ABL1: variants seen among roughly 807,000 people sequenced by gnomAD.
The protein encoded by ABL1 is ABL proto-oncogene 1, non-receptor tyrosine kinase.
In ABL1, 11 loss-of-function variants were observed where a neutral mutation model predicts 94.7. The observed-to-expected ratio is 0.12, with a 90% CI of 0.07 to 0.19. The LOEUF is 0.19. Ranked by LOEUF, ABL1 falls within the 10% of genes least tolerant of loss-of-function variation. The pLI is 1.00. For missense variants in ABL1, 1,082 were observed against 1,489.4 expected (o/e 0.73, Z 4.50); for synonymous variants, 656 against 622.4 (o/e 1.05, Z -0.80).
rs1485338353 is a variant in ABL1 at position 130,884,717 on chromosome 9, C to A, written c.2427C>A (p.Ser809Arg). 6.2e-7 allele frequency: 1 copy of A among 1,612,562 alleles called. No individual in the cohort carries two copies. ...TCATGGAGTCCAGCCCGGGCTCCAGCCCGCCCAACCTGACTCCAAAACCCC... is the reference window on the plus strand; with the variant it reads ...TCATGGAGTCCAGCCCGGGCTCCAGACCGCCCAACCTGACTCCAAAACCCC... ...KDIMESSPGSSPPNLTPKPLR... is the reference protein window; with the variant it reads ...KDIMESSPGSRPPNLTPKPLR... The change falls in exon 11 of 11, where the codon AGC becomes AGA. Residue 809 changes from serine (S) to arginine (R), a missense_variant. This residue lies in a region of ABL1 where 780 missense variants were observed against 835.8 expected (regional missense o/e 0.93). Coordinates refer to ENST00000318560, the MANE Select transcript of ABL1 (RefSeq NM_005157.6). The surrounding 1 kb of genome is among the most constrained non-coding windows in gnomAD (Gnocchi z 5.6).
chr9:130,781,901 G>A (rs554075830), intron 1 of ABL1, among the ~76,000 whole-genome samples: 1 of 152,036 alleles, frequency 6.6e-6, no homozygotes, highest in South Asian at 2.1e-4. Flanking sequence ...CCCATATGAG[G>A]AATACATATT....
intron 1 of ABL1, among the ~76,000 whole-genome samples, chr9:130,762,809 G>A (rs1167861907): frequency 6.6e-6 from 1 of 151,762 alleles, no homozygotes; most frequent in East Asian, 1.9e-4. Flanking sequence ...TACTCGGGAG[G>A]CTGAGGCAGG....
chr9:130,760,943 C>CTTTTT (rs35842480), intron 1 of ABL1, among the ~76,000 whole-genome samples: 12 of 85,242 alleles, frequency 1.4e-4, no homozygotes, highest in Non-Finnish European at 1.8e-4. Flanking sequence ...CCCGCCCCTG[C>CTTTTT]TTTTTTTTTT....
chr9:130,800,994 G>A (rs1588243744), intron 1 of ABL1, among the ~76,000 whole-genome samples: 1 of 147,914 alleles, frequency 6.8e-6, no homozygotes, highest in Non-Finnish European at 1.5e-5. Context: ...GCAGAGGCAC[G>A]ATCTCGGCTC....
Position 130,862,748 on chromosome 9 carries a change from C to T in ABL1, c.550-15C>T. On this transcript the variant is annotated splice_polypyrimidine_tract_variant and intron_variant, in intron 3 of 10. Transcript: ENST00000318560. The surrounding 1 kb of genome is among the most constrained non-coding windows in gnomAD (Gnocchi z 5.5). ...CTGTCTCTGTGGGCTGAAGGCTGTT[C>T]CCTGTTTCCTTCAGCTCTACGTCTC... is the stretch of plus-strand genomic sequence containing the variant. 1.2e-6 allele frequency: 2 copies of T among 1,610,914 alleles called. No individual in the cohort carries two copies. The highest frequency in any genetic ancestry group is 2.7e-5 in the African/African-American group (2 of 74,984).
chr9:130,778,407 T>TC (rs1431746963), intron 1 of ABL1, among the ~76,000 whole-genome samples: 1 of 152,186 alleles, frequency 6.6e-6, no homozygotes, highest in South Asian at 2.1e-4. Flanking sequence ...TTTCCAAACT[T>TC]TATGTTCTTC....
At chr9:130,818,718 AT>A (rs1202311382) in intron 1 of ABL1, among the ~76,000 whole-genome samples, 12 of 152,340 alleles carry the variant, frequency 7.9e-5, no homozygotes, top group African/African-American at 2.9e-4. Flanking sequence ...TTCTAGCACC[AT>A]TTGTTCAACA....
At chr9:130,879,941 G>C (rs1831423195) in intron 8 of ABL1, 127 bp from the exon 9 acceptor site, 4 of 859,974 alleles carry the variant, frequency 4.7e-6, no homozygotes, top group Non-Finnish European at 7.7e-6. Context: ...GTTTTGACTT[G>C]TTGCAGCAAA....
chr9:130,770,600 G>A (rs888092727), intron 1 of ABL1, among the ~76,000 whole-genome samples: 1 of 152,188 alleles, frequency 6.6e-6, no homozygotes, highest in African/African-American at 2.4e-5. Context: ...GGTTTTGGAG[G>A]TTTCAAACTT....
upstream of ABL1, chr9:130,834,965 T>C (rs1830540209): frequency 2.2e-6 from 1 of 453,702 alleles, no homozygotes; most frequent in South Asian, 1.6e-5. Flanking sequence ...CGCGGTGGAG[T>C]TGCGCGCGGC....
At chr9:130,809,852 C>T (rs1830183443) in intron 1 of ABL1, among the ~76,000 whole-genome samples, 1 of 152,220 alleles carries the variant, frequency 6.6e-6, no homozygotes, top group South Asian at 2.1e-4. Context: ...TTAATCATCA[C>T]AAAAGTCTTG....
intron 1 of ABL1, among the ~76,000 whole-genome samples, chr9:130,785,009 C>G (rs1471145877): frequency 6.6e-6 from 1 of 152,204 alleles, no homozygotes; most frequent in Non-Finnish European, 1.5e-5. Flanking sequence ...ACCAGTCTAC[C>G]CTCTCCCCAC....
chr9:130,766,477 T>G (rs114681785), intron 1 of ABL1, among the ~76,000 whole-genome samples: 338 of 152,154 alleles, frequency 2.2e-3, no homozygotes, highest in African/African-American at 7.7e-3. Flanking sequence ...TACAAATGAG[T>G]GTGCCCCGTG....
At chr9:130,801,506 G>A (rs1296233133) in intron 1 of ABL1, among the ~76,000 whole-genome samples, 1 of 152,208 alleles carries the variant, frequency 6.6e-6, no homozygotes, top group East Asian at 1.9e-4. Flanking sequence ...GATGACAGGC[G>A]TGAGCCACCA....
At chr9:130,763,362 TAACAC>T (rs1193423145) in intron 1 of ABL1, among the ~76,000 whole-genome samples, 1 of 152,206 alleles carries the variant, frequency 6.6e-6, no homozygotes, top group African/African-American at 2.4e-5. Context: ...TTCATTCTCT[TAACAC>T]AATGCCTACA....
chr9:130,838,662 C>T (rs1830624407), intron 1 of ABL1, among the ~76,000 whole-genome samples: 1 of 152,188 alleles, frequency 6.6e-6, no homozygotes, highest in Admixed American at 6.5e-5. Flanking sequence ...CCGCATTTAG[C>T]TTTGCAATAT....
chr9:130,750,192 CATATATATATATATATAT>C (rs56263750), intron 1 of ABL1, among the ~76,000 whole-genome samples: 19,273 of 106,430 alleles, frequency 0.18, 2,173 homozygotes, highest in Middle Eastern at 0.35. Flanking sequence ...AAAAAAAATA[CATATATATATATATATAT>C]ATATATATAT....
chr9:130,750,402 TCCCTCCC>T (rs1227550112), intron 1 of ABL1, among the ~76,000 whole-genome samples: 4 of 7,248 alleles, frequency 5.5e-4, no homozygotes, highest in Admixed American at 1.9e-3. Context: ...CTTCCCTTCC[TCCCTCCC>T]TCCCTCCCTC....
chr9:130,770,911 G>A (rs1832243801), intron 1 of ABL1, among the ~76,000 whole-genome samples: 1 of 152,142 alleles, frequency 6.6e-6, no homozygotes, highest in African/African-American at 2.4e-5. Flanking sequence ...TTACTAACAT[G>A]AAAGGAGGTT....
Sources: allele counts gnomAD v4.1 joint callset (sites outside exome capture counted in the v4.1 genomes callset), GRCh38; gene constraint gnomAD v4.1.1; regional missense constraint gnomAD v4.1.1; non-coding constraint Gnocchi (gnomAD v3.1); transcripts MANE v1.5; gene names NCBI Gene and HGNC (gene_info 2026-07-23, HGNC 2026-07-21).